The following MYRF variants were observed in gnomAD, a reference collection of about 807,000 sequenced individuals.
MYRF encodes the protein myelin gene regulatory factor.
In MYRF, 16 loss-of-function variants were observed where a neutral mutation model predicts 126.3. The ratio of observed to expected loss-of-function variants is 0.13; its 90% CI spans 0.09 to 0.19. MYRF has a LOEUF of 0.19. MYRF is among the 10% of genes least tolerant of loss of function. The probability of loss-of-function intolerance (pLI) is 1.00; values close to 1 mark genes in which losing one functional copy is unlikely to be tolerated. For missense variants in MYRF, 1,104 were observed against 1,547.0 expected, an observed-to-expected ratio of 0.71 and a Z score of 4.80; for synonymous variants, 608 against 635.3, an observed-to-expected ratio of 0.96 and a Z score of 0.65.
chr11:61,753,081 T>G (rs1173522185), intron 1 of MYRF, among the ~76,000 whole-genome samples: 2 of 152,012 alleles, frequency 1.3e-5, no homozygotes, highest in Non-Finnish European at 2.9e-5. Context: ...CCCGGAACTT[T>G]CCCTAAATTG....
At chr11:61,762,194 C>T (rs915006240) in intron 1 of MYRF, among the ~76,000 whole-genome samples, 2 of 151,952 alleles carry the variant, frequency 1.3e-5, no homozygotes, top group Non-Finnish European at 2.9e-5. Flanking sequence ...GGGCTGACCA[C>T]GGAGAGGAGG....
rs1166819507 is a variant in MYRF at position 61,770,384 on chromosome 11, T to C, written c.599T>C (p.Val200Ala). The C allele has an allele frequency of 4.2e-6, 6 of 1,416,886 alleles. No homozygotes were observed. Among genetic ancestry groups the C allele is most frequent in the Non-Finnish European group, 3.8e-6 (4 of 1,054,058 alleles). The allele number at this position is 1,416,886 out of a possible 1,614,324, so 87.8% of individuals were successfully genotyped here. Residue 200 changes from valine to alanine, a missense_variant, in exon 5 of 27, where the codon GTC becomes GCC. Around this residue, in one of 10 missense-constraint regions of MYRF, gnomAD observed 368 missense variants for 403.9 expected, o/e 0.91. Transcript: ENST00000278836. ...PPPPPPPHYPVLQRDLYMKAE... is the reference protein window; with the variant it reads ...PPPPPPPHYPALQRDLYMKAE... ...CCACCACCCCCACCTCACTACCCTGTCCTGCAGCGGGATCTGTACATGAAG... is the reference window on the plus strand; with the variant it reads ...CCACCACCCCCACCTCACTACCCTGCCCTGCAGCGGGATCTGTACATGAAG...
At chr11:61,784,502 C>T in intron 25 of MYRF, 117 bp downstream of exon 25, 1 of 789,394 alleles carries the variant, frequency 1.3e-6, no homozygotes. Flanking sequence ...AAAGCCTTCT[C>T]CACAAGGGAC....
chr11:61,756,725 A>C (rs1463582904), intron 1 of MYRF, among the ~76,000 whole-genome samples: 1 of 151,942 alleles, frequency 6.6e-6, no homozygotes, highest in East Asian at 1.9e-4. Context: ...ACCTCTCTGG[A>C]GGGCCTGGGG....
At chr11:61,756,618 G>C (rs2065765110) in intron 1 of MYRF, among the ~76,000 whole-genome samples, 1 of 151,238 alleles carries the variant, frequency 6.6e-6, no homozygotes, top group African/African-American at 2.4e-5. Context: ...TGCAGGGCAG[G>C]GGTGGGGGGT....
intron 1 of MYRF, among the ~76,000 whole-genome samples, chr11:61,758,454 G>A (rs2135696224): frequency 6.6e-6 from 1 of 152,276 alleles, no homozygotes; most frequent in African/African-American, 2.4e-5. Flanking sequence ...TCCAGCCGGA[G>A]CTGCTTAGGG....
At chr11:61,785,494 A>G in intron 25 of MYRF, 1 of 416,990 alleles carries the variant, frequency 2.4e-6, no homozygotes, top group Admixed American at 3.7e-5. Context: ...GATGGGGCTA[A>G]TGAAATACTT....
rs1329960434 is a variant in MYRF, at chr11:61,765,705, T to C, written c.127T>C (p.Ser43Pro). ...LEEYISKEDA[S>P]DLCFPDISAP... Reference sequence around the variant, plus strand: ...GGAGTACATCAGCAAGGAGGATGCCTCCGACCTGTGAGTGGCCCCCTCGCC... The same window carrying C: ...GGAGTACATCAGCAAGGAGGATGCCCCCGACCTGTGAGTGGCCCCCTCGCC... The change falls in exon 2 of 27, where the codon TCC (serine) becomes CCC (proline). Residue 43 changes from serine to proline, a missense_variant. Physicochemically the swap from Ser to Pro is moderately conservative, Grantham distance 74. Around this residue, in one of 10 missense-constraint regions of MYRF, gnomAD observed 368 missense variants for 403.9 expected, o/e 0.91. Transcript: ENST00000278836. 2 of 1,612,028 alleles carry C rather than the reference T, an allele frequency of 1.2e-6. No individual in the cohort carries two copies. The highest frequency in any genetic ancestry group is 8.5e-7 in the Non-Finnish European group (1 of 1,179,602).
Position 61,757,285 on chromosome 11 carries a change from G to A in MYRF, c.46+4495G>A, listed in dbSNP as rs1225892321. ...GCATTCGCCAGCGAGGGCAGCTGGG[G>A]TCTGTTCCTAGCTCTCCTGCTTACC... On this transcript the variant is annotated intron_variant, in intron 1 of 26. Transcript: ENST00000278836. The surrounding 1 kb of genome is among the most constrained non-coding windows in gnomAD (Gnocchi z 4.7). The A allele has an allele frequency of 4.4e-6, 2 of 456,604 alleles. No individual in the cohort carries two copies. The highest frequency in any genetic ancestry group is 2.3e-5 in the Admixed American group (1 of 42,574). 28.3% of individuals were successfully genotyped at this position (456,604 alleles called of 1,614,324 possible).
chr11:61,772,003 C>A, intron 7 of MYRF, 51 bp downstream of exon 7: 1 of 1,605,842 alleles, frequency 6.2e-7, no homozygotes. Context: ...CACCTTGGGA[C>A]GCCCCAGCCC....
chr11:61,765,047 G>A (rs2066015646), intron 1 of MYRF, among the ~76,000 whole-genome samples: 1 of 152,218 alleles, frequency 6.6e-6, no homozygotes, highest in South Asian at 2.1e-4. Flanking sequence ...CCTGGGTGCA[G>A]GAGACTCCCA....
At chr11:61,758,162 T>C (rs1378782142) in intron 1 of MYRF, among the ~76,000 whole-genome samples, 3 of 152,008 alleles carry the variant, frequency 2.0e-5, no homozygotes, top group Non-Finnish European at 4.4e-5. Context: ...GCCTAGAGTA[T>C]GGAGGGGGCT....
chr11:61,775,441 C>T (rs963325390), intron 8 of MYRF, among the ~76,000 whole-genome samples: 1 of 152,208 alleles, frequency 6.6e-6, no homozygotes, highest in African/African-American at 2.4e-5. Context: ...TCCCCTAAGA[C>T]CCATTGGGAG....
Position 61,783,855 on chromosome 11 carries a change from G to A in MYRF, c.3124G>A (p.Gly1042Arg), listed in dbSNP as rs1447792481. ...GTGCCAGTTTTGCCCCTGCAGGCCT[G>A]GGAACTTCACCTACCACATCCCTGT... ...YCAPGDACRPGNFTYHIPVSS... is the reference protein window; with the variant it reads ...YCAPGDACRPRNFTYHIPVSS... The change falls in exon 24 of 27, where the codon GGG becomes AGG. Residue 1042 changes from glycine to arginine, a missense_variant. Physicochemically the swap from Gly to Arg is moderately radical, Grantham distance 125 (BLOSUM62 -2). Transcript: ENST00000278836. This position sits in a 1 kb window ranked among gnomAD's most constrained non-coding sequence, Gnocchi z 4.6. The A allele has an allele frequency of 5.0e-6, 8 of 1,605,998 alleles. No homozygotes were observed. The highest frequency in any genetic ancestry group is 6.8e-6 in the Non-Finnish European group (8 of 1,176,072).
Position 61,777,568 on chromosome 11 carries a change from CG to C in MYRF, c.1791+109del. On this transcript the variant is annotated intron_variant, in intron 12 of 26. Coordinates refer to ENST00000278836, the MANE Select transcript of MYRF (RefSeq NM_001127392.3). This position sits in a 1 kb window ranked among gnomAD's most constrained non-coding sequence, Gnocchi z 8.8. ...GTGACTACGCGGAAAGGCGGAGCTG[CG>C]GGGGAAGGAAGGGAGGGAGGCTGGC... 1 of 1,413,720 alleles carries C rather than the reference CG, an allele frequency of 7.1e-7. No homozygotes were observed. The highest frequency in any genetic ancestry group is 9.6e-7 in the Non-Finnish European group (1 of 1,038,668). The allele number at this position is 1,413,720 out of a possible 1,614,324, so 87.6% of individuals were successfully genotyped here.
At position 61,770,634 on chromosome 11, in the gene MYRF, A is replaced by C. The variant is rs1358991020; in HGVS notation, c.740+109A>C. On this transcript the variant is annotated intron_variant, in intron 5 of 26. Coordinates refer to ENST00000278836, the MANE Select transcript of MYRF (RefSeq NM_001127392.3). Reference sequence around the variant, plus strand: ...GGGAGGTAGGGACCGGGATGCACCCAGGGAGGGCAGAAGGCTCTGCAGGGC... The same window carrying C: ...GGGAGGTAGGGACCGGGATGCACCCCGGGAGGGCAGAAGGCTCTGCAGGGC... 16 of 1,098,996 alleles carry C rather than the reference A, an allele frequency of 1.5e-5. No homozygotes were observed. The Admixed American group carries it at 4.4e-4, about 30-fold the overall frequency. 68.1% of individuals were successfully genotyped at this position (1,098,996 alleles called of 1,614,324 possible).
At position 61,776,818 on chromosome 11, in the gene MYRF, C is replaced by T. The variant is rs760456812; in HGVS notation, c.1531C>T (p.His511Tyr). 1.6e-5 allele frequency: 26 copies of T among 1,608,014 alleles called. No individual in the cohort carries two copies. Among genetic ancestry groups the T allele is most frequent in the Admixed American group, 1.4e-4 (8 of 59,174 alleles). ...YFMLVVALQA[H>Y]AQNQNYTLAA... ...CATGCTGGTGGTGGCCCTCCAGGCTCATGCACAGAACCAGAACTACACGCT... is the reference window on the plus strand; with the variant it reads ...CATGCTGGTGGTGGCCCTCCAGGCTTATGCACAGAACCAGAACTACACGCT... The change falls in exon 11 of 27, where the codon CAT (histidine) becomes TAT (tyrosine). Residue 511 changes from histidine (H) to tyrosine (Y), a missense_variant. Physicochemically the swap from His to Tyr is moderately conservative, Grantham distance 83. This residue lies in a region of MYRF where 48 missense variants were observed against 148.2 expected (regional missense o/e 0.32). Coordinates refer to ENST00000278836, the MANE Select transcript of MYRF (RefSeq NM_001127392.3). The surrounding 1 kb of genome is among the most constrained non-coding windows in gnomAD (Gnocchi z 4.3).
intron 3 of MYRF, 32 bp from the exon 4 acceptor site, chr11:61,769,228 C>A: frequency 1.4e-6 from 2 of 1,434,900 alleles, no homozygotes; most frequent in Non-Finnish European, 1.9e-6. Context: ...CTCAGCTGCT[C>A]ACCCCCCGGC....
At chr11:61,755,360 A>G (rs1433303605) in intron 1 of MYRF, 1 of 1,603,118 alleles carries the variant, frequency 6.2e-7, no homozygotes, top group Non-Finnish European at 8.5e-7. Flanking sequence ...AATCCCCTAG[A>G]GAGAGGCAAG....
Sources: gnomAD v4.1 joint callset for allele counts (sites outside exome capture counted in the v4.1 genomes callset) on GRCh38, gnomAD v4.1.1 for gene constraint, gnomAD v4.1.1 regional missense constraint, Gnocchi (gnomAD v3.1) non-coding constraint, MANE v1.5 for transcripts, NCBI Gene and HGNC (gene_info 2026-07-23, HGNC 2026-07-21) for gene names.